The following HMX1 variants were observed in gnomAD, a reference collection of about 807,000 sequenced individuals.
HMX1 encodes the protein homeobox protein HMX1.
HMX1 carries 8 observed loss-of-function variants against 8.9 expected under a neutral mutation model. The ratio of observed to expected loss-of-function variants is 0.90; its 90% CI spans 0.53 to 1.63. HMX1 has a LOEUF of 1.63. Ranked by LOEUF, HMX1 falls within the 40% of genes most tolerant of loss-of-function variation. The pLI is 0.00. For synonymous variants in HMX1, 311 were observed against 283.4 expected (o/e 1.10, Z -0.98); for missense variants, 621 against 558.5 (o/e 1.11, Z -1.13).
Position 8,868,004 on chromosome 4 carries a change from G to T in HMX1, c.736C>A (p.Gln246Lys). 6.5e-7 allele frequency: 1 copy of T among 1,543,200 alleles called. No homozygotes were observed. The highest frequency in any genetic ancestry group is 8.7e-7 in the Non-Finnish European group (1 of 1,144,914). The change falls in exon 2 of 2, where the codon CAG becomes AAG. Residue 246 changes from glutamine (Q) to lysine (K), a missense_variant. Physicochemically the swap from Gln to Lys is moderately conservative, Grantham distance 53 (BLOSUM62 1). Transcript: ENST00000400677. This position sits in a 1 kb window ranked among gnomAD's most constrained non-coding sequence, Gnocchi z 4.6. The stretch of plus-strand genomic sequence containing the variant: ...CGGTTCTGGAACCAGATCTTAACCT[G>T]CGTCTCGGTGAGCTGCAGGGAGGCG... ...LAASLQLTET[Q>K]VKIWFQNRRN...
intron 1 of HMX1, among the ~76,000 whole-genome samples, chr4:8,854,455 A>G (rs970363497): frequency 2.6e-5 from 4 of 152,222 alleles, no homozygotes; most frequent in Admixed American, 2.0e-4. Context: ...TAAACTTCAC[A>G]TGGATTAAAG....
At position 8,853,473 on chromosome 4, in the gene HMX1, C is replaced by A. The variant is rs1409940066; in HGVS notation, c.395-7149G>T. On this transcript the variant is annotated intron_variant, in intron 1 of 1. Transcript: ENST00000506970. This position sits in a 1 kb window ranked among gnomAD's most constrained non-coding sequence, Gnocchi z 4.7. ...GTCAGAACCACATCATGTGACCGGG[C>A]TGAGCTGCAAGGGAGGCTGGGAAAT... is the stretch of plus-strand genomic sequence containing the variant. Among the ~76,000 whole-genome samples, 1 of 152,204 alleles carries A rather than the reference C, an allele frequency of 6.6e-6. No homozygotes were observed. Among genetic ancestry groups the A allele is most frequent in the Admixed American group, 6.5e-5 (1 of 15,274 alleles).
downstream of HMX1, among the ~76,000 whole-genome samples, chr4:8,862,738 A>G (rs1721869566): frequency 6.6e-6 from 1 of 152,226 alleles, no homozygotes; most frequent in South Asian, 2.1e-4. Context: ...AAAAAGCACT[A>G]TTACTTTTGT....
chr4:8,862,515 TACTA>T (rs1037574050), downstream of HMX1, among the ~76,000 whole-genome samples: 4 of 152,252 alleles, frequency 2.6e-5, no homozygotes, highest in Non-Finnish European at 5.9e-5. Flanking sequence ...CTTTTATTTG[TACTA>T]ACTTATTTTT....
At chr4:8,856,295 T>C (rs894040602) in intron 1 of HMX1, among the ~76,000 whole-genome samples, 1 of 152,180 alleles carries the variant, frequency 6.6e-6, no homozygotes, top group African/African-American at 2.4e-5. Flanking sequence ...AAGCGTCCTA[T>C]TTAGAAATAT....
At chr4:8,858,782 G>C (rs1266642327) in intron 1 of HMX1, 2 of 152,278 alleles carry the variant, frequency 1.3e-5, no homozygotes, top group African/African-American at 4.8e-5. Context: ...TCCTCCACTG[G>C]GCCCCGTCGA....
intron 1 of HMX1, among the ~76,000 whole-genome samples, chr4:8,857,054 A>C (rs943028284): frequency 2.6e-5 from 4 of 152,240 alleles, no homozygotes; most frequent in African/African-American, 9.6e-5. Context: ...ACTGCACTCC[A>C]GCCTGGGCGA....
Position 8,870,066 on chromosome 4 carries a change from G to A in HMX1, c.394+1155C>T, listed in dbSNP as rs547000496. Among the ~76,000 whole-genome samples the A allele has an allele frequency of 3.9e-5, 6 of 152,122 alleles. No homozygotes were observed. Among genetic ancestry groups the A allele is most frequent in the South Asian group, 2.1e-4 (1 of 4,814 alleles). On this transcript the variant is annotated intron_variant, in intron 1 of 1. Coordinates refer to ENST00000400677, the MANE Select transcript of HMX1 (RefSeq NM_018942.3). This position sits in a 1 kb window ranked among gnomAD's most constrained non-coding sequence, Gnocchi z 4.4. Reference sequence around the variant, plus strand: ...GGGCTTTTGCAAAGGATCACTCCACGACATGGAAAGGGTTATCTAACAAGT... The same window carrying A: ...GGGCTTTTGCAAAGGATCACTCCACAACATGGAAAGGGTTATCTAACAAGT...
intron 1 of HMX1, among the ~76,000 whole-genome samples, chr4:8,858,154 G>A (rs894685128): frequency 6.6e-6 from 1 of 152,118 alleles, no homozygotes; most frequent in Non-Finnish European, 1.5e-5. Context: ...TGGGGGAAAT[G>A]GATTTTCGCG....
At position 8,868,764 on chromosome 4, in the gene HMX1, G is replaced by A. The variant is rs141032062; in HGVS notation, c.395-419C>T. ...CTCCCGCAGAAGTCCCGGGACAAGA[G>A]GAAAGATGTCCTTCCGAGAAATGTT... On this transcript the variant is annotated intron_variant, in intron 1 of 1. Coordinates refer to ENST00000400677, the MANE Select transcript of HMX1 (RefSeq NM_018942.3). This position sits in a 1 kb window ranked among gnomAD's most constrained non-coding sequence, Gnocchi z 4.6. Among the ~76,000 whole-genome samples, 3 of 152,262 alleles carry A rather than the reference G, an allele frequency of 2.0e-5. No individual in the cohort carries two copies. In the East Asian group the frequency reaches 5.8e-4, roughly 29 times the overall value.
chr4:8,864,605 C>T (rs969412296), downstream of HMX1, among the ~76,000 whole-genome samples: 2 of 152,238 alleles, frequency 1.3e-5, no homozygotes, highest in South Asian at 2.1e-4. Context: ...GTCCCGCTTG[C>T]TCTCCAGGGC....
intron 1 of HMX1, among the ~76,000 whole-genome samples, chr4:8,859,701 G>T (rs990374585): frequency 6.6e-6 from 1 of 152,196 alleles, no homozygotes; most frequent in African/African-American, 2.4e-5. Flanking sequence ...CTCTACACAC[G>T]TGCGTGGTCT....
chr4:8,857,833 C>T (rs1188412526), intron 1 of HMX1, among the ~76,000 whole-genome samples: 1 of 152,160 alleles, frequency 6.6e-6, no homozygotes, highest in African/African-American at 2.4e-5. Flanking sequence ...TGCCCCTGCC[C>T]AGAGAAGTGC....
At chr4:8,862,103 G>A (rs1269802405), downstream of HMX1, among the ~76,000 whole-genome samples, 1 of 151,616 alleles carries the variant, frequency 6.6e-6, no homozygotes, top group African/African-American at 2.4e-5. Flanking sequence ...GAACCCGGAG[G>A]GGGCACCACG....
chr4:8,853,074 C>T lies in HMX1; in HGVS notation c.395-6750G>A, dbSNP rs1386542602. ...CCCACCTCCCACTGTGGTCAGTGCC[C>T]TGTCAGCAGCCAAACACAGATTCTG... On this transcript the variant is annotated intron_variant, in intron 1 of 1. Transcript: ENST00000506970. The surrounding 1 kb of genome is among the most constrained non-coding windows in gnomAD (Gnocchi z 4.7). Among the ~76,000 whole-genome samples the T allele has an allele frequency of 1.3e-5, 2 of 152,146 alleles. No individual in the cohort carries two copies. Among genetic ancestry groups the T allele is most frequent in the African/African-American group, 4.8e-5 (2 of 41,442 alleles).
At chr4:8,856,066 T>C (rs556403398) in intron 1 of HMX1, among the ~76,000 whole-genome samples, 3 of 152,234 alleles carry the variant, frequency 2.0e-5, no homozygotes, top group South Asian at 2.1e-4. Context: ...CGTGTGCTCA[T>C]AGTGCACGCC....
chr4:8,868,109 A>T lies in HMX1; in HGVS notation c.631T>A (p.Ser211Thr), dbSNP rs1461605061. ...GRKKKTRTVFSRSQVFQLEST... is the reference protein window; with the variant it reads ...GRKKKTRTVFTRSQVFQLEST... ...TCCAGCTGGAAGACCTGGCTGCGGG[A>T]GAAGACTGTGCGCGTCTTCTTCTTT... Residue 211 changes from serine (S) to threonine (T), a missense_variant, in exon 2 of 2, where the codon TCC (serine) becomes ACC (threonine). By Grantham distance (58) the Ser-to-Thr change is moderately conservative (BLOSUM62 1). Transcript: ENST00000400677. The surrounding 1 kb of genome is among the most constrained non-coding windows in gnomAD (Gnocchi z 4.6). 6.6e-7 allele frequency: 1 copy of T among 1,513,626 alleles called. No individual in the cohort carries two copies. Among genetic ancestry groups the T allele is most frequent in the Non-Finnish European group, 8.8e-7 (1 of 1,133,450 alleles). The allele number at this position is 1,513,626 out of a possible 1,614,324, so 93.8% of individuals were successfully genotyped here.
In HMX1 at chr4:8,871,746, G is replaced by A. The variant is rs1722234412; in HGVS notation, c.-132C>T. 1.0e-6 allele frequency: 1 copy of A among 1,001,960 alleles called. No individual in the cohort carries two copies. 62.1% of individuals were successfully genotyped at this position (1,001,960 alleles called of 1,614,324 possible). ...GGACCGCTGGCGTCGGGCCCCGCAG[G>A]GCAGGCGGCGGCCTCCGCGCCGGGC... On this transcript the variant is annotated 5_prime_UTR_variant, in exon 1 of 2. Transcript: ENST00000400677. This position sits in a 1 kb window ranked among gnomAD's most constrained non-coding sequence, Gnocchi z 4.8.
downstream of HMX1, among the ~76,000 whole-genome samples, chr4:8,863,430 G>T (rs1333216590): frequency 6.6e-6 from 1 of 152,236 alleles, no homozygotes; most frequent in Non-Finnish European, 1.5e-5. Flanking sequence ...TTCCGTCTCC[G>T]CCCAGCTGGG....
Sources: allele counts gnomAD v4.1 joint callset (sites outside exome capture counted in the v4.1 genomes callset), GRCh38; gene constraint gnomAD v4.1.1; non-coding constraint Gnocchi (gnomAD v3.1); transcripts MANE v1.5; gene names NCBI Gene and HGNC (gene_info 2026-07-23, HGNC 2026-07-21).